SEMA3E: variants seen among roughly 807,000 people sequenced by gnomAD.
SEMA3E encodes the protein semaphorin-3E.
A neutral mutation model predicts 93.6 loss-of-function variants in SEMA3E; 49 were observed. The observed-to-expected ratio is 0.52, with a 90% confidence interval of 0.42 to 0.66. The LOEUF is 0.66. Among genes scored for constraint, SEMA3E ranks in the 30% least tolerant of loss-of-function variants. SEMA3E has a pLI of 0.00. For synonymous variants in SEMA3E, 363 were observed against 330.7 expected, an observed-to-expected ratio of 1.10 and a Z score of -1.06; for missense variants, 906 against 964.8, an observed-to-expected ratio of 0.94 and a Z score of 0.81.
At chr7:83,638,638 G>A (rs1363467880) in intron 1 of SEMA3E, among the ~76,000 whole-genome samples, 1 of 152,080 alleles carries the variant, frequency 6.6e-6, no homozygotes, top group Non-Finnish European at 1.5e-5. Context: ...TATTTATCAA[G>A]ATCAAGGCTG....
rs774991010 is a variant in SEMA3E at position 83,490,190 on chromosome 7, T to G, written c.200A>C (p.Gln67Pro). ...CCTGCCTCCCACGAAGAGCCTCTCT[T>G]GATATTCATCCAGCAGCATTGTATG... ...DLHTMLLDEY[Q>P]ERLFVGGRDL... The change falls in exon 2 of 17, where the codon CAA becomes CCA. Residue 67 changes from glutamine (Q) to proline (P), a missense_variant. Transcript: ENST00000643230. The G allele has an allele frequency of 6.2e-7, 1 of 1,613,136 alleles. No individual in the cohort carries two copies. Among genetic ancestry groups the G allele is most frequent in the Non-Finnish European group, 8.5e-7 (1 of 1,179,450 alleles).
At chr7:83,633,148 ATTCCTTCCTCCTT>A (rs1793819471) in intron 1 of SEMA3E, among the ~76,000 whole-genome samples, 1 of 152,114 alleles carries the variant, frequency 6.6e-6, no homozygotes, top group East Asian at 1.9e-4. Context: ...CTTAGCAATT[ATTCCTTCCTCCTT>A]TTCCTTCCTC....
At chr7:83,387,179 A>G (rs1787898836) in intron 14 of SEMA3E, 129 bp from the exon 15 acceptor site, 2 of 776,694 alleles carry the variant, frequency 2.6e-6, no homozygotes, top group Non-Finnish European at 4.3e-6. Flanking sequence ...ATGAAAAAAG[A>G]ATAAAATCCA....
At chr7:83,477,766 T>C (rs1052665710) in intron 2 of SEMA3E, among the ~76,000 whole-genome samples, 13 of 152,108 alleles carry the variant, frequency 8.5e-5, no homozygotes, top group Non-Finnish European at 1.5e-4. Flanking sequence ...ATGCCTTTCT[T>C]CTACTCGATA....
At chr7:83,397,725 T>C (rs1477888931) in intron 11 of SEMA3E, among the ~76,000 whole-genome samples, 2 of 152,284 alleles carry the variant, frequency 1.3e-5, no homozygotes, top group East Asian at 1.9e-4. Flanking sequence ...ATGCTGGACA[T>C]AATAATTTAG....
chr7:83,560,087 A>G (rs1791995926), intron 1 of SEMA3E, among the ~76,000 whole-genome samples: 1 of 152,090 alleles, frequency 6.6e-6, no homozygotes, highest in Non-Finnish European at 1.5e-5. Flanking sequence ...GAATAAATGG[A>G]CAAAAGAGGA....
intron 1 of SEMA3E, among the ~76,000 whole-genome samples, chr7:83,520,781 T>C (rs1791027877): frequency 6.6e-6 from 1 of 152,224 alleles, no homozygotes; most frequent in Non-Finnish European, 1.5e-5. Context: ...TTTTAAGTCA[T>C]ACTTGGGGCT....
At chr7:83,530,926 G>T (rs1215753321) in intron 1 of SEMA3E, among the ~76,000 whole-genome samples, 11 of 152,056 alleles carry the variant, frequency 7.2e-5, no homozygotes, top group Admixed American at 7.2e-4. Flanking sequence ...ACATGAATTT[G>T]ATGTAGTTTG....
intron 1 of SEMA3E, among the ~76,000 whole-genome samples, chr7:83,616,251 T>C (rs1793365154): frequency 6.6e-6 from 1 of 152,162 alleles, no homozygotes; most frequent in Admixed American, 6.6e-5. Flanking sequence ...TATAGAAATA[T>C]TTGGATTATT....
intron 1 of SEMA3E, among the ~76,000 whole-genome samples, chr7:83,603,301 T>C (rs541405010): frequency 1.2e-4 from 19 of 152,200 alleles, no homozygotes; most frequent in Non-Finnish European, 2.6e-4. Context: ...ATTAGATTGT[T>C]TTCAGTTCTT....
chr7:83,562,712 T>C (rs1792057045), intron 1 of SEMA3E, among the ~76,000 whole-genome samples: 1 of 152,024 alleles, frequency 6.6e-6, no homozygotes, highest in South Asian at 2.1e-4. Flanking sequence ...CCTTTACAAG[T>C]GGCTGTTTGC....
At chr7:83,501,453 C>T (rs1032327236) in intron 1 of SEMA3E, among the ~76,000 whole-genome samples, 5 of 151,874 alleles carry the variant, frequency 3.3e-5, no homozygotes, top group Non-Finnish European at 7.4e-5. Flanking sequence ...CTATCATCTA[C>T]TTTTTTTTGT....
intron 1 of SEMA3E, among the ~76,000 whole-genome samples, chr7:83,501,913 T>G (rs1790604651): frequency 6.6e-6 from 1 of 152,222 alleles, no homozygotes; most frequent in Non-Finnish European, 1.5e-5. Flanking sequence ...ATTTAAGTTT[T>G]TCAAATATGA....
chr7:83,517,620 T>G (rs1363812237), intron 1 of SEMA3E, among the ~76,000 whole-genome samples: 1 of 152,000 alleles, frequency 6.6e-6, no homozygotes, highest in Non-Finnish European at 1.5e-5. Flanking sequence ...TTATGTAGAA[T>G]GGAGTGAGAA....
At chr7:83,617,057 T>C (rs985125765) in intron 1 of SEMA3E, among the ~76,000 whole-genome samples, 1 of 152,128 alleles carries the variant, frequency 6.6e-6, no homozygotes, top group East Asian at 1.9e-4. Flanking sequence ...TTCTTCATTT[T>C]TAATAATCAA....
intron 4 of SEMA3E, among the ~76,000 whole-genome samples, chr7:83,434,567 T>A (rs569632273): frequency 6.6e-6 from 1 of 152,188 alleles, no homozygotes; most frequent in Non-Finnish European, 1.5e-5. Flanking sequence ...AAAATTAAAC[T>A]GTGTTCTATA....
intron 1 of SEMA3E, among the ~76,000 whole-genome samples, chr7:83,611,266 A>G (rs1010234778): frequency 1.4e-5 from 2 of 143,974 alleles, no homozygotes; most frequent in African/African-American, 5.1e-5. Context: ...TATATTATAT[A>G]TAAATTTATA....
At chr7:83,462,551 C>A (rs911048561) in intron 4 of SEMA3E, among the ~76,000 whole-genome samples, 5 of 152,044 alleles carry the variant, frequency 3.3e-5, no homozygotes, top group Non-Finnish European at 5.9e-5. Flanking sequence ...CCACCTTAAC[C>A]CACAAGTATA....
intron 10 of SEMA3E, among the ~76,000 whole-genome samples, chr7:83,401,387 C>T (rs1788230643): frequency 6.6e-6 from 1 of 152,006 alleles, no homozygotes; most frequent in African/African-American, 2.4e-5. Flanking sequence ...TTTTTAAAAT[C>T]AGACCATATT....
Sources: gnomAD v4.1 joint callset for allele counts (sites outside exome capture counted in the v4.1 genomes callset) on GRCh38, gnomAD v4.1.1 for gene constraint, MANE v1.5 for transcripts, NCBI Gene and HGNC (gene_info 2026-07-23, HGNC 2026-07-21) for gene names.